The following ARID4A variants were observed in gnomAD, a reference collection of about 807,000 sequenced individuals.
ARID4A encodes AT-rich interaction domain 4A, also known as AT-rich interactive domain-containing protein 4A.
In ARID4A, 39 loss-of-function variants were observed where a neutral mutation model predicts 148.6. The ratio of observed to expected loss-of-function variants is 0.26; its 90% CI spans 0.20 to 0.34. ARID4A has a LOEUF of 0.34. ARID4A is among the 10% of genes least tolerant of loss of function. The pLI is 1.00. For missense variants in ARID4A, 1,265 were observed against 1,449.1 expected, an observed-to-expected ratio of 0.87 and a Z score of 2.06; for synonymous variants, 475 against 481.2, an observed-to-expected ratio of 0.99 and a Z score of 0.17.
intron 8 of ARID4A, among the ~76,000 whole-genome samples, chr14:58,326,525 A>G (rs768178172): frequency 6.6e-6 from 1 of 152,242 alleles, no homozygotes; most frequent in Non-Finnish European, 1.5e-5. Flanking sequence ...TGGGGGAATA[A>G]TAGGAAATAT....
At chr14:58,305,108 G>A (rs1047306650) in intron 4 of ARID4A, 99 bp downstream of exon 4, 5 of 1,001,872 alleles carry the variant, frequency 5.0e-6, no homozygotes, top group Non-Finnish European at 7.3e-6. Flanking sequence ...TTATGAGAAC[G>A]TTAATCAGAA....
intron 5 of ARID4A, among the ~76,000 whole-genome samples, chr14:58,306,737 G>C (rs1392305707): frequency 6.6e-6 from 1 of 152,086 alleles, no homozygotes; most frequent in Non-Finnish European, 1.5e-5. Flanking sequence ...AATTAGCCTG[G>C]TATTAGTGGT....
In ARID4A at chr14:58,306,121, T is replaced by G. The variant is rs777084405; in HGVS notation, c.274+9T>G. The G allele has an allele frequency of 3.1e-6, 5 of 1,588,824 alleles. No homozygotes were observed. In the Admixed American group the frequency reaches 6.7e-5, roughly 21 times the overall value. On this transcript the variant is annotated intron_variant, in intron 5 of 23. Transcript: ENST00000355431. ...TAGTTGGTATACCGTGGGTAAGTAA[T>G]TAAGTAATTTAACACAGATTTGATT...
At chr14:58,346,318 A>C in intron 12 of ARID4A, 93 bp from the exon 13 acceptor site, 1 of 807,796 alleles carries the variant, frequency 1.2e-6, no homozygotes, top group Non-Finnish European at 2.0e-6. Context: ...CTAATTAATG[A>C]AATTGGGGAA....
intron 14 of ARID4A, 34 bp downstream of exon 14, chr14:58,347,151 T>C: frequency 8.7e-7 from 1 of 1,147,446 alleles, no homozygotes; most frequent in Non-Finnish European, 1.2e-6. Flanking sequence ...AAAGAATATA[T>C]ATTTATAGGA....
intron 8 of ARID4A, among the ~76,000 whole-genome samples, chr14:58,326,833 T>TC (rs2033241661): frequency 1.3e-5 from 2 of 152,212 alleles, no homozygotes; most frequent in Non-Finnish European, 2.9e-5. Flanking sequence ...TTAGGTGAAA[T>TC]CTTCCTCCTT....
rs200645038 is a variant in ARID4A at position 58,330,688 on chromosome 14, T to TA, written c.906+527dup. Among the ~76,000 whole-genome samples the TA allele has an allele frequency of 5.7e-3, 873 of 152,168 alleles. 11 individuals are homozygous for TA. Among genetic ancestry groups the TA allele is most frequent in the African/African-American group, 0.019 (807 of 41,530 alleles). ...ACAATATTTCAAGGATAATTAAGGT[T>TA]AAAAAAAATCCTATCCAAACCCCAA... On this transcript the variant is annotated intron_variant, in intron 11 of 23. Coordinates refer to ENST00000355431, the MANE Select transcript of ARID4A (RefSeq NM_002892.4).
chr14:58,368,247 A>G (rs2035445222), intron 23 of ARID4A, among the ~76,000 whole-genome samples: 1 of 152,194 alleles, frequency 6.6e-6, no homozygotes, highest in South Asian at 2.1e-4. Context: ...CTCAAGGCCT[A>G]ATCCTCTTGG....
At chr14:58,315,273 T>G (rs2032333217) in intron 5 of ARID4A, among the ~76,000 whole-genome samples, 1 of 152,204 alleles carries the variant, frequency 6.6e-6, no homozygotes, top group Non-Finnish European at 1.5e-5. Flanking sequence ...AAGGTATATT[T>G]AAGTGAAATG....
chr14:58,314,737 G>T (rs1041238877), intron 5 of ARID4A, among the ~76,000 whole-genome samples: 2 of 152,014 alleles, frequency 1.3e-5, no homozygotes, highest in Admixed American at 6.6e-5. Flanking sequence ...GCCCCCCATT[G>T]TTGGGTTTTC....
intron 11 of ARID4A, among the ~76,000 whole-genome samples, chr14:58,335,528 G>T (rs1263762662): frequency 4.0e-5 from 6 of 151,852 alleles, no homozygotes; most frequent in Non-Finnish European, 7.4e-5. Flanking sequence ...GGTCAGGCTG[G>T]TCTCAAACTC....
intron 11 of ARID4A, among the ~76,000 whole-genome samples, chr14:58,337,762 T>C (rs2033906974): frequency 6.6e-6 from 1 of 152,230 alleles, no homozygotes; most frequent in African/African-American, 2.4e-5. Flanking sequence ...TGTATTTTGT[T>C]CCACTTACTC....
chr14:58,348,949 C>T (rs569000903), intron 15 of ARID4A, among the ~76,000 whole-genome samples: 4 of 152,076 alleles, frequency 2.6e-5, no homozygotes, highest in South Asian at 2.1e-4. Flanking sequence ...GTGTCACCAC[C>T]GTCCAGTTCC....
At chr14:58,336,448 C>A (rs2033819249) in intron 11 of ARID4A, among the ~76,000 whole-genome samples, 1 of 152,158 alleles carries the variant, frequency 6.6e-6, no homozygotes, top group Non-Finnish European at 1.5e-5. Context: ...GCCAGACTTA[C>A]TATTTGTTTT....
At chr14:58,353,277 T>C (rs910777612) in intron 16 of ARID4A, among the ~76,000 whole-genome samples, 1 of 152,160 alleles carries the variant, frequency 6.6e-6, no homozygotes, top group Admixed American at 6.5e-5. Flanking sequence ...TTTTTCTTAT[T>C]TTGTTTTGTC....
At chr14:58,329,310 G>A (rs974091838) in intron 9 of ARID4A, among the ~76,000 whole-genome samples, 1 of 152,074 alleles carries the variant, frequency 6.6e-6, no homozygotes, top group African/African-American at 2.4e-5. Context: ...TGAATGTGAG[G>A]CTCTCAATGT....
rs372911194 is a variant in ARID4A, at chr14:58,367,595, G to A, written c.3670+566G>A. ...TGTGTACCCTGAGAATGATATTAAC[G>A]AGTACAAGAGTTAGTGGAAGGAGAG... On this transcript the variant is annotated intron_variant, in intron 23 of 23. Coordinates refer to ENST00000355431, the MANE Select transcript of ARID4A (RefSeq NM_002892.4). Among the ~76,000 whole-genome samples the A allele has an allele frequency of 2.6e-5, 4 of 152,286 alleles. 1 individual carries two copies.
At chr14:58,312,015 G>C (rs1365411753) in intron 5 of ARID4A, among the ~76,000 whole-genome samples, 1 of 152,020 alleles carries the variant, frequency 6.6e-6, no homozygotes, top group East Asian at 1.9e-4. Flanking sequence ...GAGCTCCATT[G>C]TACAACATGA....
intron 11 of ARID4A, among the ~76,000 whole-genome samples, chr14:58,335,964 C>T (rs2033793782): frequency 6.6e-6 from 1 of 151,986 alleles, no homozygotes; most frequent in Non-Finnish European, 1.5e-5. Flanking sequence ...CTTTCAACAT[C>T]CATGCTTGCC....
Sources: allele counts gnomAD v4.1 joint callset (sites outside exome capture counted in the v4.1 genomes callset), GRCh38; gene constraint gnomAD v4.1.1; transcripts MANE v1.5; gene names NCBI Gene and HGNC (gene_info 2026-07-23, HGNC 2026-07-21).